The following PCDH15 variants were observed in gnomAD, a reference collection of about 807,000 sequenced individuals.
The protein encoded by PCDH15 is protocadherin related 15.
Under a neutral mutation model 178.5 loss-of-function variants are expected in PCDH15, and 129 were observed. The ratio of observed to expected loss-of-function variants is 0.72; its 90% confidence interval spans 0.63 to 0.84. PCDH15 has a LOEUF of 0.84. PCDH15 is among the 40% of genes least tolerant of loss of function. The probability of loss-of-function intolerance (pLI) is 0.00; values close to 1 mark genes in which losing one functional copy is unlikely to be tolerated. For synonymous variants in PCDH15, 800 were observed against 732.0 expected (o/e 1.09, Z -1.50); for missense variants, 2,230 against 2,099.9 (o/e 1.06, Z -1.21).
chr10:53,824,021 A>ATCAGGAAAAATTG (rs1278379105), intron 32 of PCDH15, among the ~76,000 whole-genome samples: 3 of 152,058 alleles, frequency 2.0e-5, no homozygotes, highest in African/African-American at 7.2e-5. Flanking sequence ...CATAATACCA[A>ATCAGGAAAAATTG]TCAGGAAAAA....
chr10:55,512,494 T>C (rs1010093500), intron 2 of PCDH15, among the ~76,000 whole-genome samples: 6 of 151,980 alleles, frequency 3.9e-5, no homozygotes, highest in African/African-American at 1.4e-4. Flanking sequence ...ACTGTGATTT[T>C]TATGGACCAT....
rs1371248581 is a variant in PCDH15, at chr10:55,588,076, T to C, written c.-156+39549A>G. On this transcript the variant is annotated intron_variant, in intron 2 of 5. Transcript: ENST00000613346. ...GACCTTTTCTAATGGACAAAGCAAC[T>C]TGGATCCTCTATTTTAAAGCGCTTA... Among the ~76,000 whole-genome samples the C allele has an allele frequency of 3.3e-5, 5 of 152,286 alleles. No individual in the cohort carries two copies. In the East Asian group the frequency reaches 9.7e-4, roughly 29 times the overall value.
At chr10:54,313,188 T>A (rs1232575191) in intron 8 of PCDH15, among the ~76,000 whole-genome samples, 1 of 152,100 alleles carries the variant, frequency 6.6e-6, no homozygotes, top group Non-Finnish European at 1.5e-5. Flanking sequence ...TCCACTATCC[T>A]TAGGATCTTT....
chr10:54,994,017 AT>A (rs991439138), intron 2 of PCDH15, among the ~76,000 whole-genome samples: 27 of 152,294 alleles, frequency 1.8e-4, no homozygotes, highest in African/African-American at 6.3e-4. Flanking sequence ...TGTTATTAAA[AT>A]TTACATTCAC....
At chr10:55,021,268 C>T (rs1403993671) in intron 2 of PCDH15, among the ~76,000 whole-genome samples, 1 of 152,160 alleles carries the variant, frequency 6.6e-6, no homozygotes, top group African/African-American at 2.4e-5. Context: ...TATTATTTTT[C>T]TCCAAAAGAC....
chr10:54,131,794 C>G (rs2042459021), intron 15 of PCDH15, among the ~76,000 whole-genome samples: 1 of 152,144 alleles, frequency 6.6e-6, no homozygotes, highest in African/African-American at 2.4e-5. Context: ...GCAGCAGTTA[C>G]TTTCTATGGG....
intron 1 of PCDH15, among the ~76,000 whole-genome samples, chr10:54,766,968 T>C (rs899918778): frequency 6.6e-6 from 1 of 152,028 alleles, no homozygotes; most frequent in African/African-American, 2.4e-5. Flanking sequence ...TATACACCTT[T>C]TTGTGTTCTT....
At chr10:55,566,326 A>T (rs1842301152) in intron 2 of PCDH15, among the ~76,000 whole-genome samples, 5 of 151,770 alleles carry the variant, frequency 3.3e-5, no homozygotes, top group Admixed American at 3.3e-4. Flanking sequence ...TAATAAAAAA[A>T]TTCATATATA....
chr10:55,288,012 A>AT (rs1187527729), intron 1 of PCDH15, among the ~76,000 whole-genome samples: 1 of 151,336 alleles, frequency 6.6e-6, no homozygotes, highest in African/African-American at 2.4e-5. Context: ...ATGCAAATTA[A>AT]TTTATATATT....
intron 3 of PCDH15, among the ~76,000 whole-genome samples, chr10:54,388,034 T>C (rs1006554427): frequency 6.6e-6 from 1 of 152,104 alleles, no homozygotes; most frequent in African/African-American, 2.4e-5. Context: ...ATGAATACAG[T>C]TCTGGAAATG....
At chr10:55,205,126 T>C (rs1036028702) in intron 1 of PCDH15, among the ~76,000 whole-genome samples, 1 of 151,952 alleles carries the variant, frequency 6.6e-6, no homozygotes, top group Admixed American at 6.6e-5. Context: ...GTTTCAAGAA[T>C]TAGTATGATA....
At chr10:55,040,276 C>T (rs1341333288) in intron 2 of PCDH15, among the ~76,000 whole-genome samples, 1 of 152,052 alleles carries the variant, frequency 6.6e-6, no homozygotes, top group Non-Finnish European at 1.5e-5. Flanking sequence ...TTTACACACT[C>T]AAGCTGTGTC....
At chr10:54,548,285 A>G (rs1158652887) in intron 2 of PCDH15, among the ~76,000 whole-genome samples, 3 of 148,446 alleles carry the variant, frequency 2.0e-5, no homozygotes, top group Non-Finnish European at 4.5e-5. Context: ...TCATAGAGAC[A>G]TAAAAATATT....
chr10:54,745,393 A>G (rs1945326493), intron 1 of PCDH15, among the ~76,000 whole-genome samples: 1 of 151,954 alleles, frequency 6.6e-6, no homozygotes, highest in Non-Finnish European at 1.5e-5. Context: ...CATGAAAGTG[A>G]AAGTGATCTA....
chr10:54,364,032 G>T (rs1227629644), intron 5 of PCDH15, among the ~76,000 whole-genome samples: 1 of 152,002 alleles, frequency 6.6e-6, no homozygotes, highest in Admixed American at 6.6e-5. Context: ...GACCAACATG[G>T]AGAAAACCCA....
intron 26 of PCDH15, among the ~76,000 whole-genome samples, chr10:53,893,815 AG>A (rs1182631752): frequency 6.6e-6 from 1 of 152,112 alleles, no homozygotes; most frequent in Non-Finnish European, 1.5e-5. Flanking sequence ...GAGGAAGGTG[AG>A]GGGTAAAAGA....
At chr10:54,309,320 T>TACACACAC (rs71984217) in intron 8 of PCDH15, among the ~76,000 whole-genome samples, 11 of 146,290 alleles carry the variant, frequency 7.5e-5, no homozygotes, top group African/African-American at 2.8e-4. Context: ...TATACGTACA[T>TACACACAC]ACACACACAC....
intron 2 of PCDH15, among the ~76,000 whole-genome samples, chr10:55,073,363 C>T (rs1232707411): frequency 6.6e-6 from 1 of 151,868 alleles, no homozygotes; most frequent in Non-Finnish European, 1.5e-5. Context: ...TTGTCTCAGC[C>T]CAAAATCTCC....
At chr10:55,196,842 A>G (rs1327605888) in intron 1 of PCDH15, among the ~76,000 whole-genome samples, 2 of 152,016 alleles carry the variant, frequency 1.3e-5, no homozygotes, top group African/African-American at 2.4e-5. Context: ...ATGCTTTTGT[A>G]GAATAATTGT....
Sources: gnomAD v4.1 joint callset for allele counts (sites outside exome capture counted in the v4.1 genomes callset) on GRCh38, gnomAD v4.1.1 for gene constraint, MANE v1.5 for transcripts, NCBI Gene and HGNC (gene_info 2026-07-23, HGNC 2026-07-21) for gene names.